The following ARHGAP10 variants were observed in gnomAD, a reference collection of about 807,000 sequenced individuals.
The protein encoded by ARHGAP10 is rho GTPase-activating protein 10.
Under a neutral mutation model 108.6 loss-of-function variants are expected in ARHGAP10, and 87 were observed. The ratio of observed to expected loss-of-function variants is 0.80; its 90% CI spans 0.67 to 0.96. The LOEUF is 0.96. Ranked by LOEUF, ARHGAP10 falls within the 40% of genes least tolerant of loss-of-function variation. The pLI, the probability that ARHGAP10 is intolerant of heterozygous loss-of-function variation, is 0.00. For missense variants in ARHGAP10, 939 were observed against 954.5 expected (o/e 0.98, Z 0.21); for synonymous variants, 347 against 341.1 (o/e 1.02, Z -0.19).
chr4:147,997,982 C>G (rs940045243), intron 18 of ARHGAP10, among the ~76,000 whole-genome samples: 1 of 151,930 alleles, frequency 6.6e-6, no homozygotes, highest in Non-Finnish European at 1.5e-5. Flanking sequence ...CAAAAACAAG[C>G]ATATCAAAAC....
At chr4:148,066,904 A>G (rs754428483) in intron 22 of ARHGAP10, among the ~76,000 whole-genome samples, 10 of 152,222 alleles carry the variant, frequency 6.6e-5, no homozygotes, top group Non-Finnish European at 1.2e-4. Flanking sequence ...CACTGGGTAC[A>G]TTGTAGTGTG....
Position 148,049,636 on chromosome 4 carries a change from G to A in ARHGAP10, c.2027+2585G>A, listed in dbSNP as rs115886598. ...GAGCCTCTAAAGAGATTCCTTGTCC[G>A]TATTTCTGCTGATACTTATTATTTG... On this transcript the variant is annotated intron_variant, in intron 20 of 22. Transcript: ENST00000336498. Among the ~76,000 whole-genome samples, 1,087 of 152,098 alleles carry A rather than the reference G, an allele frequency of 7.1e-3. 11 individuals carry two copies. The highest frequency in any genetic ancestry group is 0.024 in the African/African-American group (1,013 of 41,492).
chr4:147,777,018 A>AG (rs1730323099), intron 1 of ARHGAP10, among the ~76,000 whole-genome samples: 1 of 152,236 alleles, frequency 6.6e-6, no homozygotes, highest in Non-Finnish European at 1.5e-5. Context: ...TGATCTGAGC[A>AG]ACCTATGACT....
chr4:147,849,441 C>G (rs183417908), intron 4 of ARHGAP10, among the ~76,000 whole-genome samples: 4 of 152,280 alleles, frequency 2.6e-5, no homozygotes, highest in Admixed American at 2.0e-4. Context: ...CTGATTAAAT[C>G]TGCTTACATG....
rs1735227783 is a variant in ARHGAP10, at chr4:147,879,268, A to G, written c.869A>G (p.Tyr290Cys). 1.2e-6 allele frequency: 2 copies of G among 1,614,076 alleles called. No homozygotes were observed. Among genetic ancestry groups the G allele is most frequent in the Admixed American group, 1.7e-5 (1 of 60,010 alleles). The change falls in exon 9 of 23, where the codon TAT becomes TGT. Residue 290 changes from tyrosine to cysteine, a missense_variant. Coordinates refer to ENST00000336498, the MANE Select transcript of ARHGAP10 (RefSeq NM_024605.4). Reference sequence around the variant, plus strand: ...TTTGGTTCCAGTTGGGTCAAACACTATTGCATGTATCGAAAAGCAGCAAAG... The same window carrying G: ...TTTGGTTCCAGTTGGGTCAAACACTGTTGCATGTATCGAAAAGCAGCAAAG... Reference protein sequence around the residue: ...APFGSSWVKHYCMYRKAAKKF... With the variant: ...APFGSSWVKHCCMYRKAAKKF...
chr4:148,056,783 C>CT (rs1167603114), intron 20 of ARHGAP10, among the ~76,000 whole-genome samples: 1 of 152,030 alleles, frequency 6.6e-6, no homozygotes, highest in African/African-American at 2.4e-5. Flanking sequence ...TATAGTCATA[C>CT]TTTTTTCCCT....
Position 147,732,401 on chromosome 4 carries a change from A to G in ARHGAP10, c.100A>G (p.Lys34Glu). The change falls in exon 1 of 23, where the codon AAG becomes GAG. Residue 34 changes from lysine to glutamate, a missense_variant. By Grantham distance (56) the Lys-to-Glu change is moderately conservative. Transcript: ENST00000336498. ...AHEAELERTN[K>E]FIKELIKDGK... Reference sequence around the variant, plus strand: ...CGAAGCGGAACTCGAGAGGACCAACAAGTTCATCAAAGAGCTCATTAAGGA... The same window carrying G: ...CGAAGCGGAACTCGAGAGGACCAACGAGTTCATCAAAGAGCTCATTAAGGA... 1 of 1,613,354 alleles carries G rather than the reference A, an allele frequency of 6.2e-7. No individual in the cohort carries two copies. Among genetic ancestry groups the G allele is most frequent in the Non-Finnish European group, 8.5e-7 (1 of 1,179,620 alleles).
intron 1 of ARHGAP10, among the ~76,000 whole-genome samples, chr4:147,754,296 C>T (rs1380213145): frequency 6.6e-6 from 1 of 152,200 alleles, no homozygotes; most frequent in Non-Finnish European, 1.5e-5. Flanking sequence ...TTGTAAGTAA[C>T]TCCATACCAT....
chr4:147,754,049 C>T (rs1234060252), intron 1 of ARHGAP10, among the ~76,000 whole-genome samples: 1 of 152,210 alleles, frequency 6.6e-6, no homozygotes, highest in African/African-American at 2.4e-5. Context: ...CAGTAAACTC[C>T]TGGCTTACTG....
At chr4:147,882,699 TTTTTCCTTA>T (rs1311077133) in intron 10 of ARHGAP10, among the ~76,000 whole-genome samples, 3 of 152,170 alleles carry the variant, frequency 2.0e-5, no homozygotes, top group Non-Finnish European at 4.4e-5. Flanking sequence ...TGAATTCTTT[TTTTTCCTTA>T]TTGCATGACT....
chr4:147,902,256 C>T (rs1376024375), intron 10 of ARHGAP10, among the ~76,000 whole-genome samples: 1 of 152,178 alleles, frequency 6.6e-6, no homozygotes, highest in Admixed American at 6.5e-5. Flanking sequence ...TCTTGCCTAT[C>T]TTCAGTCCAT....
At chr4:147,964,939 G>GACAACAATC in intron 16 of ARHGAP10, 85 bp from the exon 17 acceptor site, 1 of 912,714 alleles carries the variant, frequency 1.1e-6, no homozygotes. Context: ...ATTGTCTTGG[G>GACAACAATC]AAATATATTT....
chr4:147,826,531 C>A (rs539291148), intron 3 of ARHGAP10, among the ~76,000 whole-genome samples: 4 of 152,310 alleles, frequency 2.6e-5, no homozygotes, highest in Admixed American at 2.0e-4. Flanking sequence ...CAGCCACAGC[C>A]AACCACGGAA....
intron 15 of ARHGAP10, among the ~76,000 whole-genome samples, chr4:147,950,416 G>C (rs554607789): frequency 6.6e-6 from 1 of 152,340 alleles, no homozygotes; most frequent in Admixed American, 6.5e-5. Flanking sequence ...TCTGGAGCCA[G>C]CCTGCCTGCC....
At chr4:147,939,971 C>A in intron 14 of ARHGAP10, 72 bp downstream of exon 14, 1 of 1,342,366 alleles carries the variant, frequency 7.4e-7, no homozygotes, top group Non-Finnish European at 1.1e-6. Context: ...CTTAATATTT[C>A]ATAATAATGT....
At chr4:147,763,746 CTTTTTT>C (rs35774782) in intron 1 of ARHGAP10, among the ~76,000 whole-genome samples, 25 of 93,178 alleles carry the variant, frequency 2.7e-4, no homozygotes, top group East Asian at 6.9e-4. Context: ...ATGGTGATTC[CTTTTTT>C]TTTTTTTTTT....
intron 22 of ARHGAP10, among the ~76,000 whole-genome samples, 199 bp downstream of exon 22, chr4:148,064,706 A>G (rs1343672153): frequency 2.4e-5 from 3 of 123,166 alleles, no homozygotes; most frequent in Non-Finnish European, 5.6e-5. Context: ...GAATGCCACT[A>G]TGCTTGCTTC....
intron 1 of ARHGAP10, among the ~76,000 whole-genome samples, chr4:147,795,524 G>A (rs867173502): frequency 1.3e-5 from 2 of 151,904 alleles, no homozygotes; most frequent in African/African-American, 4.8e-5. Flanking sequence ...AACATTCTCC[G>A]GTGCAGCAGT....
At position 147,822,756 on chromosome 4, in the gene ARHGAP10, C is replaced by T. The variant is rs77723329; in HGVS notation, c.184C>T (p.His62Tyr). The stretch of plus-strand genomic sequence containing the variant: ...GTCAGTGGCCCAGCGGAAGTTTGCT[C>T]ATTCACTCAGAGACTTTAAGTTTGA... ...SLSVAQRKFA[H>Y]SLRDFKFEFI... Residue 62 changes from histidine (H) to tyrosine (Y), a missense_variant, in exon 2 of 23, where the codon CAT becomes TAT. His to Tyr is a moderately conservative substitution (Grantham distance 83). Transcript: ENST00000336498. The T allele has an allele frequency of 6.2e-7, 1 of 1,614,208 alleles. No homozygotes were observed. The highest frequency in any genetic ancestry group is 2.2e-5 in the East Asian group (1 of 44,884).
Sources: gnomAD v4.1 joint callset for allele counts (sites outside exome capture counted in the v4.1 genomes callset) on GRCh38, gnomAD v4.1.1 for gene constraint, MANE v1.5 for transcripts, NCBI Gene and HGNC (gene_info 2026-07-23, HGNC 2026-07-21) for gene names.